Variants in NTM observed in about 807,000 individuals in gnomAD.
NTM encodes IgLON family member 2.
A neutral mutation model predicts 42.1 loss-of-function variants in NTM; 13 were observed. The ratio of observed to expected loss-of-function variants is 0.31; its 90% CI spans 0.20 to 0.49. The LOEUF is 0.49. Ranked by LOEUF, NTM falls within the 20% of genes least tolerant of loss-of-function variation. NTM has a pLI of 0.99. For synonymous variants in NTM, 187 were observed against 179.2 expected (o/e 1.04, Z -0.35); for missense variants, 373 against 452.8 (o/e 0.82, Z 1.60).
chr11:132,329,855 A>C (rs1565497126), intron 7 of NTM, among the ~76,000 whole-genome samples: 1 of 152,236 alleles, frequency 6.6e-6, no homozygotes, highest in Non-Finnish European at 1.5e-5. Flanking sequence ...ACCTGCTAAA[A>C]TCAGGCGGAC....
At chr11:131,772,620 C>T (rs569139597) in intron 1 of NTM, among the ~76,000 whole-genome samples, 1 of 152,294 alleles carries the variant, frequency 6.6e-6, no homozygotes, top group South Asian at 2.1e-4. Flanking sequence ...TACTTCCTTA[C>T]TTCCAAGTCT....
At chr11:132,165,981 G>A (rs1165333202) in intron 3 of NTM, among the ~76,000 whole-genome samples, 1 of 152,152 alleles carries the variant, frequency 6.6e-6, no homozygotes, top group Non-Finnish European at 1.5e-5. Context: ...TTGCTCTGAT[G>A]GCAGCCCCTG....
intron 1 of NTM, among the ~76,000 whole-genome samples, chr11:131,553,238 G>A (rs1294436317): frequency 6.6e-6 from 1 of 152,150 alleles, no homozygotes; most frequent in African/African-American, 2.4e-5. Flanking sequence ...GTGGTTACAA[G>A]GATCTTCAGT....
At chr11:131,811,908 A>G (rs913389150) in intron 1 of NTM, among the ~76,000 whole-genome samples, 1 of 152,186 alleles carries the variant, frequency 6.6e-6, no homozygotes, top group African/African-American at 2.4e-5. Flanking sequence ...GATAATCTAC[A>G]TCTTTTATAA....
chr11:132,299,511 A>T (rs953263802), intron 4 of NTM, among the ~76,000 whole-genome samples: 1 of 152,182 alleles, frequency 6.6e-6, no homozygotes, highest in African/African-American at 2.4e-5. Flanking sequence ...GTATAAAAGA[A>T]GTTCAGGTGA....
At chr11:131,664,658 TAAAC>T (rs2068681517) in intron 1 of NTM, among the ~76,000 whole-genome samples, 1 of 151,232 alleles carries the variant, frequency 6.6e-6, no homozygotes. Flanking sequence ...TTTAGTAAAA[TAAAC>T]CAAGTAGATT....
chr11:131,931,388 G>A (rs529841100), intron 2 of NTM, among the ~76,000 whole-genome samples: 8 of 152,028 alleles, frequency 5.3e-5, no homozygotes, highest in Admixed American at 3.9e-4. Context: ...ACAGTGAACC[G>A]AGATGGCGCC....
At chr11:132,328,149 A>G (rs929288210) in intron 7 of NTM, among the ~76,000 whole-genome samples, 1 of 152,176 alleles carries the variant, frequency 6.6e-6, no homozygotes, top group African/African-American at 2.4e-5. Flanking sequence ...CAGTGCCAGC[A>G]TGTGCACCTT....
intron 1 of NTM, among the ~76,000 whole-genome samples, chr11:131,617,667 G>T (rs1409891523): frequency 2.0e-5 from 3 of 152,200 alleles, no homozygotes; most frequent in Admixed American, 6.5e-5. Context: ...GCTGAAAGAT[G>T]AATGGAACTG....
intron 1 of NTM, among the ~76,000 whole-genome samples, chr11:131,399,470 T>C (rs1591559465): frequency 1.3e-5 from 2 of 152,178 alleles, no homozygotes; most frequent in East Asian, 1.9e-4. Context: ...ATGTATGGAT[T>C]GTATCTGTTC....
chr11:131,800,392 C>T (rs1241249645), intron 1 of NTM, among the ~76,000 whole-genome samples: 1 of 152,240 alleles, frequency 6.6e-6, no homozygotes, highest in Admixed American at 6.5e-5. Flanking sequence ...CACCTTCTAT[C>T]CCTTCCTGGC....
At chr11:131,548,280 C>G (rs180961751) in intron 1 of NTM, among the ~76,000 whole-genome samples, 1 of 152,260 alleles carries the variant, frequency 6.6e-6, no homozygotes, top group Non-Finnish European at 1.5e-5. Context: ...ACCACTCTCC[C>G]CTTGTGCATT....
At chr11:131,790,600 AG>A (rs1422634715) in intron 1 of NTM, among the ~76,000 whole-genome samples, 1 of 152,218 alleles carries the variant, frequency 6.6e-6, no homozygotes, top group Non-Finnish European at 1.5e-5. Context: ...CATTCAAAGT[AG>A]GCAAATGTTG....
intron 3 of NTM, among the ~76,000 whole-genome samples, chr11:132,164,729 A>G (rs1566350142): frequency 6.6e-6 from 1 of 152,140 alleles, no homozygotes; most frequent in South Asian, 2.1e-4. Flanking sequence ...CATCACTAAG[A>G]CAGATGTGAA....
intron 2 of NTM, among the ~76,000 whole-genome samples, chr11:132,010,648 G>A (rs2135415770): frequency 6.7e-6 from 1 of 149,114 alleles, no homozygotes; most frequent in African/African-American, 2.5e-5. Flanking sequence ...TCTTCTGCTA[G>A]GCTCTAATAT....
chr11:131,873,638 C>CT (rs2048108988), intron 1 of NTM, among the ~76,000 whole-genome samples: 3 of 117,684 alleles, frequency 2.5e-5, no homozygotes, highest in Middle Eastern at 3.9e-3. Flanking sequence ...TATATATACA[C>CT]ATATATATAT....
At chr11:132,282,424 A>AT (rs2094008759) in intron 4 of NTM, among the ~76,000 whole-genome samples, 2 of 152,306 alleles carry the variant, frequency 1.3e-5, no homozygotes, top group African/African-American at 2.4e-5. Context: ...ACAAAGACAC[A>AT]TTTTTTATTG....
At chr11:131,999,497 A>G (rs1452026204) in intron 2 of NTM, among the ~76,000 whole-genome samples, 2 of 152,212 alleles carry the variant, frequency 1.3e-5, no homozygotes, top group Admixed American at 6.5e-5. Flanking sequence ...AGCCTGAGAA[A>G]TAAGACCAAG....
At chr11:131,774,215 CA>C in intron 1 of NTM, 1 of 676,104 alleles carries the variant, frequency 1.5e-6, no homozygotes, top group Non-Finnish European at 1.8e-6. Flanking sequence ...TCTTACCCCT[CA>C]GGCACTGATT....
Sources: allele counts gnomAD v4.1 joint callset (sites outside exome capture counted in the v4.1 genomes callset), GRCh38; gene constraint gnomAD v4.1.1; transcripts MANE v1.5; gene names NCBI Gene and HGNC (gene_info 2026-07-23, HGNC 2026-07-21).